Variants in COQ3 observed in about 807,000 individuals in gnomAD.
COQ3 encodes coenzyme Q3, methyltransferase.
In COQ3, 29 loss-of-function variants were observed where a neutral mutation model predicts 33.1. That is an observed-to-expected ratio of 0.88 (90% CI 0.65 to 1.19). COQ3 has a LOEUF of 1.19. COQ3 is among the 50% of genes most tolerant of loss of function. The pLI is 0.00. For missense variants in COQ3, 437 were observed against 430.7 expected (o/e 1.01, Z -0.13); for synonymous variants, 173 against 157.8 (o/e 1.10, Z -0.72).
intron 2 of COQ3, among the ~76,000 whole-genome samples, chr6:99,380,915 T>G (rs1400854462): frequency 6.8e-6 from 1 of 147,830 alleles, no homozygotes; most frequent in Non-Finnish European, 1.5e-5. Context: ...TCAAAATAAA[T>G]AAATAAATAA....
chr6:99,380,855 A>T (rs4501438), intron 2 of COQ3, among the ~76,000 whole-genome samples: 3 of 152,010 alleles, frequency 2.0e-5, no homozygotes, highest in Non-Finnish European at 4.4e-5. Flanking sequence ...TGCAGTGAGT[A>T]GAGATTGAGC....
chr6:99,375,464 A>G (rs1387336223), intron 5 of COQ3, among the ~76,000 whole-genome samples: 1 of 151,426 alleles, frequency 6.6e-6, no homozygotes, highest in East Asian at 1.9e-4. Context: ...CCTCACTGCA[A>G]CCTCCACCTC....
chr6:99,380,344 A>G lies in COQ3; in HGVS notation c.234-3T>C, dbSNP rs1774436009. The G allele has an allele frequency of 1.9e-6, 3 of 1,612,538 alleles. No homozygotes were observed. The highest frequency in any genetic ancestry group is 2.5e-6 in the Non-Finnish European group (3 of 1,179,140). ...TGTACAGTCTCGCCCAAGGGTACCT[A>G]AAAGGTGAAAATGAAGAACCAAGCA... On this transcript the variant is annotated splice_region_variant and splice_polypyrimidine_tract_variant and intron_variant, in intron 2 of 6. Coordinates refer to ENST00000254759, the MANE Select transcript of COQ3 (RefSeq NM_017421.4).
intron 6 of COQ3, among the ~76,000 whole-genome samples, chr6:99,370,341 T>C (rs1045155874): frequency 8.4e-5 from 10 of 119,460 alleles, no homozygotes; most frequent in Non-Finnish European, 1.3e-4. Flanking sequence ...TTTCTTTTCT[T>C]TACTTTTTTT....
chr6:99,390,969 G>A (rs1194994691), intron 1 of COQ3, among the ~76,000 whole-genome samples: 1 of 152,088 alleles, frequency 6.6e-6, no homozygotes, highest in Non-Finnish European at 1.5e-5. Flanking sequence ...TTTCTCCTGA[G>A]CTTATGTTTA....
intron 5 of COQ3, among the ~76,000 whole-genome samples, chr6:99,374,904 C>T (rs552221263): frequency 6.6e-6 from 1 of 151,874 alleles, no homozygotes; most frequent in African/African-American, 2.4e-5. Flanking sequence ...TTACCATGTA[C>T]AGAATTACTT....
intron 5 of COQ3, among the ~76,000 whole-genome samples, chr6:99,372,292 C>T (rs185945560): frequency 6.6e-6 from 1 of 152,048 alleles, no homozygotes; most frequent in East Asian, 2.0e-4. Flanking sequence ...GTATTCCCAG[C>T]TACTCAGGAG....
intron 1 of COQ3, among the ~76,000 whole-genome samples, chr6:99,387,935 C>T (rs12198856): frequency 0.16 from 23,950 of 152,072 alleles, 2,450 homozygotes; most frequent in East Asian, 0.28. Context: ...GAGGCCGAGG[C>T]GGGTGGATCA....
chr6:99,388,944 C>T (rs1448063910), intron 1 of COQ3, among the ~76,000 whole-genome samples: 1 of 151,836 alleles, frequency 6.6e-6, no homozygotes, highest in Non-Finnish European at 1.5e-5. Flanking sequence ...CCCACATCCT[C>T]ACTCTCTCCC....
intron 1 of COQ3, 130 bp downstream of exon 1, chr6:99,393,944 C>T (rs746971861): frequency 2.1e-5 from 15 of 725,154 alleles, no homozygotes; most frequent in Admixed American, 2.1e-4. Context: ...GGGCCAGGAC[C>T]AAGCCTTAGG....
At chr6:99,388,036 T>G (rs1774703605) in intron 1 of COQ3, among the ~76,000 whole-genome samples, 1 of 152,006 alleles carries the variant, frequency 6.6e-6, no homozygotes, top group Non-Finnish European at 1.5e-5. Context: ...TAGTGGCACA[T>G]GCCTGTAATC....
chr6:99,379,606 G>T (rs1372615619), intron 3 of COQ3, among the ~76,000 whole-genome samples: 2 of 152,162 alleles, frequency 1.3e-5, no homozygotes, highest in Non-Finnish European at 2.9e-5. Context: ...TGTAATCCCA[G>T]CACTTGGAGA....
At chr6:99,382,556 T>G (rs1254842532) in intron 2 of COQ3, among the ~76,000 whole-genome samples, 1 of 152,238 alleles carries the variant, frequency 6.6e-6, no homozygotes, top group Non-Finnish European at 1.5e-5. Context: ...CAAGGACTAA[T>G]TTACAATAGG....
chr6:99,380,501 A>T (rs1227030196), intron 2 of COQ3, among the ~76,000 whole-genome samples, 160 bp from the exon 3 acceptor site: 1 of 152,190 alleles, frequency 6.6e-6, no homozygotes, highest in African/African-American at 2.4e-5. Flanking sequence ...TCTTATAATC[A>T]CACTGCATAT....
intron 3 of COQ3, among the ~76,000 whole-genome samples, chr6:99,379,404 A>G (rs1392300582): frequency 6.6e-6 from 1 of 152,148 alleles, no homozygotes; most frequent in African/African-American, 2.4e-5. Flanking sequence ...AGCAACCTAT[A>G]AGTTCCCGAA....
At chr6:99,392,608 G>T (rs1774861868) in intron 1 of COQ3, among the ~76,000 whole-genome samples, 1 of 150,284 alleles carries the variant, frequency 6.7e-6, no homozygotes, top group Non-Finnish European at 1.5e-5. Flanking sequence ...TCTCGAGCTG[G>T]TCCTTTCCCC....
intron 2 of COQ3, among the ~76,000 whole-genome samples, chr6:99,383,288 A>C (rs1774524995): frequency 6.6e-6 from 1 of 152,210 alleles, no homozygotes; most frequent in Admixed American, 6.5e-5. Context: ...GCAGCACCCA[A>C]ATCACTTATG....
intron 1 of COQ3, among the ~76,000 whole-genome samples, chr6:99,385,867 C>T (rs1244518410): frequency 6.6e-6 from 1 of 151,190 alleles, no homozygotes. Flanking sequence ...GTCCCAGCTA[C>T]CCGGGAGGCT....
In COQ3 at chr6:99,380,290, A is replaced by G. The variant is rs764750523; in HGVS notation, c.285T>C (p.Gly95=). The G allele has an allele frequency of 7.4e-6, 12 of 1,613,960 alleles. No individual in the cohort carries two copies. Among genetic ancestry groups the G allele is most frequent in the African/African-American group, 1.3e-5 (1 of 74,914 alleles). The part of the protein sequence containing the change: ...YSTSQTTVDS[G]EVKTFLALAH... ...CCAGGGCCAAGAAGGTTTTTACCTC[A>G]CCGCTGTCGACAGTGGTTTGGGAAG... is the stretch of plus-strand genomic sequence containing the variant. Residue 95 remains glycine (G), a synonymous_variant, in exon 3 of 7, where the codon GGT becomes GGC. Coordinates refer to ENST00000254759, the MANE Select transcript of COQ3 (RefSeq NM_017421.4).
Sources: allele counts gnomAD v4.1 joint callset (sites outside exome capture counted in the v4.1 genomes callset), GRCh38; gene constraint gnomAD v4.1.1; transcripts MANE v1.5; gene names NCBI Gene and HGNC (gene_info 2026-07-23, HGNC 2026-07-21).